The following BACH1 variants were observed in gnomAD, a reference collection of about 807,000 sequenced individuals.
The protein encoded by BACH1 is transcription regulator protein BACH1.
Under a neutral mutation model 52.9 loss-of-function variants are expected in BACH1, and 35 were observed. That is an observed-to-expected ratio of 0.66 (90% CI 0.51 to 0.88). The LOEUF (loss-of-function observed/expected upper bound fraction) is 0.88. Ranked by LOEUF, BACH1 falls within the 40% of genes least tolerant of loss-of-function variation. The pLI, the probability that BACH1 is intolerant of heterozygous loss-of-function variation, is 0.00. For synonymous variants in BACH1, 321 were observed against 319.6 expected (o/e 1.00, Z -0.05); for missense variants, 808 against 872.6 (o/e 0.93, Z 0.93).
chr21:29,358,770 A>AAAAGAAAAGAAAAG (rs1409780180), intron 2 of BACH1, among the ~76,000 whole-genome samples: 47 of 108,974 alleles, frequency 4.3e-4, no homozygotes, highest in African/African-American at 9.7e-4. Context: ...AAAAGAAAAG[A>AAAAGAAAAGAAAAG]AAAGAAAGAA....
At chr21:29,359,445 T>C (rs934405855) in intron 2 of BACH1, 5 of 150,376 alleles carry the variant, frequency 3.3e-5, no homozygotes, top group Non-Finnish European at 7.4e-5. Context: ...TAAAAAAAAT[T>C]GAAGTCCATC....
intron 2 of BACH1, among the ~76,000 whole-genome samples, chr21:29,325,170 C>CAGTG (rs1401623397): frequency 6.6e-6 from 1 of 152,052 alleles, no homozygotes; most frequent in East Asian, 1.9e-4. Context: ...GCGGAGCTTG[C>CAGTG]AGTGAGCCGA....
rs1555888598 is a variant in BACH1 at position 29,358,814 on chromosome 21, G to GA, written c.472+29123dup. Among the ~76,000 whole-genome samples the GA allele has an allele frequency of 2.0e-3, 221 of 108,244 alleles. 1 individual carries two copies. Among genetic ancestry groups the GA allele is most frequent in the African/African-American group, 5.9e-3 (194 of 33,022 alleles). The allele number at this position is 108,244 out of a possible 152,430, so 71.0% of individuals were successfully genotyped here. A position where few individuals can be genotyped will look rare whatever the true frequency, so the allele number is the denominator to read the frequency against. Reference sequence around the variant, plus strand: ...AGAAAGAAAGAAAGAAAGAAAGAAAGAAGAAAGAAAGAAATGTAAAAAGTG... The same window carrying GA: ...AGAAAGAAAGAAAGAAAGAAAGAAAGAAAGAAAGAAAGAAATGTAAAAAGTG... On this transcript the variant is annotated intron_variant, in intron 2 of 4. Transcript: ENST00000422809.
rs1601355421 is a variant in BACH1 at position 29,326,722 on chromosome 21, C to T, written c.898C>T (p.Pro300Ser). The change falls in exon 3 of 5, where the codon CCA (proline) becomes TCA (serine). Residue 300 changes from proline to serine, a missense_variant. By Grantham distance (74) the Pro-to-Ser change is moderately conservative (BLOSUM62 -1). Transcript: ENST00000286800. ...ETKKDPASQC[P>S]TEKSEVTPFP... ...GAAGAAAGATCCTGCTTCTCAGTGC[C>T]CAACTGAAAAATCAGAAGTGACTCC... is the stretch of plus-strand genomic sequence containing the variant. The T allele has an allele frequency of 5.6e-6, 9 of 1,613,964 alleles. No homozygotes were observed. In the African/African-American group the frequency reaches 6.7e-5, roughly 12 times the overall value.
chr21:29,323,352 GC>G (rs1353701607), intron 2 of BACH1, among the ~76,000 whole-genome samples: 1 of 152,156 alleles, frequency 6.6e-6, no homozygotes, highest in East Asian at 1.9e-4. Context: ...AAGTAGGGAA[GC>G]CAACACTGTA....
chr21:29,342,890 T>C lies in BACH1; in HGVS notation c.*57T>C. The C allele has an allele frequency of 6.7e-7, 1 of 1,494,438 alleles. No individual in the cohort carries two copies. The highest frequency in any genetic ancestry group is 9.0e-7 in the Non-Finnish European group (1 of 1,111,298). The allele number at this position is 1,494,438 out of a possible 1,614,324, so 92.6% of individuals were successfully genotyped here. On this transcript the variant is annotated 3_prime_UTR_variant, in exon 5 of 5. Transcript: ENST00000286800. ...TTTCTCCTGAAGTTTTGGCAGCGTC[T>C]TGAAAGCCTAATATGACCATCTGTT... is the stretch of plus-strand genomic sequence containing the variant.
At chr21:29,334,867 C>T (rs1385036390) in intron 4 of BACH1, among the ~76,000 whole-genome samples, 1 of 152,296 alleles carries the variant, frequency 6.6e-6, no homozygotes, top group East Asian at 1.9e-4. Flanking sequence ...CAACTAGTCA[C>T]AATTTACTGG....
rs568626842 is a variant in BACH1, at chr21:29,300,526, G to A, written c.-61+1573G>A. On this transcript the variant is annotated intron_variant, in intron 1 of 4. Coordinates refer to ENST00000286800, the MANE Select transcript of BACH1 (RefSeq NM_001186.4). ...GCAGTGGCCAATAGCACTGAGGCGG[G>A]TTTAAAGACGGAGCCTCGTGACCTG... is the stretch of plus-strand genomic sequence containing the variant. Among the ~76,000 whole-genome samples the A allele has an allele frequency of 1.5e-4, 23 of 152,306 alleles. No homozygotes were observed. In the East Asian group the frequency reaches 4.3e-3, roughly 28 times the overall value.
intron 2 of BACH1, among the ~76,000 whole-genome samples, chr21:29,323,521 A>G (rs1374679985): frequency 6.6e-6 from 1 of 152,170 alleles, no homozygotes; most frequent in Non-Finnish European, 1.5e-5. Context: ...CAAGTCACCT[A>G]TCCCACCTTT....
In BACH1 at chr21:29,331,855, T is replaced by C. The variant is rs148565185; in HGVS notation, c.1776+2162T>C. 5.7e-3 allele frequency among the ~76,000 whole-genome samples: 868 copies of C among 152,310 alleles called. 8 individuals are homozygous for C. Among genetic ancestry groups the C allele is most frequent in the African/African-American group, 0.02 (834 of 41,572 alleles). On this transcript the variant is annotated intron_variant, in intron 4 of 4. Coordinates refer to ENST00000286800, the MANE Select transcript of BACH1 (RefSeq NM_001186.4). ...AACTACTCAATAAATACTATGTATT[T>C]TTTATTATTTTCCATTTTCTACTTT... is the stretch of plus-strand genomic sequence containing the variant.
intron 4 of BACH1, among the ~76,000 whole-genome samples, chr21:29,335,755 C>T (rs908104599): frequency 6.6e-6 from 1 of 152,150 alleles, no homozygotes; most frequent in African/African-American, 2.4e-5. Context: ...CCTCTATCTC[C>T]GTCTATCCAT....
chr21:29,313,172 C>G, intron 1 of BACH1, among the ~76,000 whole-genome samples: 1 of 152,052 alleles, frequency 6.6e-6, no homozygotes, highest in Non-Finnish European at 1.5e-5. Context: ...AATACACTAA[C>G]ACTAACGATA....
chr21:29,321,476 C>A lies in BACH1; in HGVS notation c.196C>A (p.Gln66Lys). 1.9e-6 allele frequency: 3 copies of A among 1,614,140 alleles called. No homozygotes were observed. Among genetic ancestry groups the A allele is most frequent in the Non-Finnish European group, 2.5e-6 (3 of 1,180,016 alleles). Residue 66 changes from glutamine (Q) to lysine (K), a missense_variant, in exon 2 of 5, where the codon CAG becomes AAG. Gln to Lys is a moderately conservative substitution (Grantham distance 53, BLOSUM62 1). Coordinates refer to ENST00000286800, the MANE Select transcript of BACH1 (RefSeq NM_001186.4). Reference protein sequence around the residue: ...SSYFHSRIVGQADGELNITLP... With the variant: ...SSYFHSRIVGKADGELNITLP... The stretch of plus-strand genomic sequence containing the variant: ...TTACTTCCACTCAAGAATCGTAGGC[C>A]AGGCTGATGGAGAGCTGAACATTAC...
rs901816862 is a variant in BACH1, at chr21:29,325,973, C to G, written c.235-86C>G. ...TAATTATCACAAATAAGTTACATAT[C>G]TCTCTATTCCTCTTCTACTTATTTT... is the stretch of plus-strand genomic sequence containing the variant. On this transcript the variant is annotated intron_variant, in intron 2 of 4. Coordinates refer to ENST00000286800, the MANE Select transcript of BACH1 (RefSeq NM_001186.4). The G allele has an allele frequency of 4.1e-5, 50 of 1,216,486 alleles. 1 individual carries two copies. In the East Asian group the frequency reaches 1.1e-3, roughly 27 times the overall value. The allele number at this position is 1,216,486 out of a possible 1,614,324, so 75.4% of individuals were successfully genotyped here.
intron 4 of BACH1, 58 bp from the exon 5 acceptor site, chr21:29,342,341 G>A: frequency 6.7e-7 from 1 of 1,498,944 alleles, no homozygotes; most frequent in South Asian, 1.3e-5. Context: ...GATCGCCTTG[G>A]AAATGTTGAT....
chr21:29,316,997 G>A (rs546173304), intron 1 of BACH1, among the ~76,000 whole-genome samples: 12 of 152,278 alleles, frequency 7.9e-5, no homozygotes, highest in African/African-American at 2.4e-4. Context: ...CCCAACCTCC[G>A]GGTTGCACAG....
At chr21:29,314,697 T>C (rs1231437930) in intron 1 of BACH1, among the ~76,000 whole-genome samples, 1 of 152,210 alleles carries the variant, frequency 6.6e-6, no homozygotes, top group Non-Finnish European at 1.5e-5. Flanking sequence ...ATTTTTGGTG[T>C]TGCTGTAAGC....
At chr21:29,359,523 C>T (rs892941973) in intron 2 of BACH1, 3 of 150,818 alleles carry the variant, frequency 2.0e-5, no homozygotes, top group Non-Finnish European at 2.9e-5. Flanking sequence ...AGACAATAAC[C>T]ACCACCACGA....
chr21:29,356,366 C>T (rs1418036118), intron 2 of BACH1, among the ~76,000 whole-genome samples: 1 of 152,198 alleles, frequency 6.6e-6, no homozygotes, highest in African/African-American at 2.4e-5. Context: ...TCCATATTAA[C>T]TTAGAATTGG....
Sources: allele counts gnomAD v4.1 joint callset (sites outside exome capture counted in the v4.1 genomes callset), GRCh38; gene constraint gnomAD v4.1.1; transcripts MANE v1.5; gene names NCBI Gene and HGNC (gene_info 2026-07-23, HGNC 2026-07-21).